Variants in MUCL3 observed in about 807,000 individuals in gnomAD.
The protein encoded by MUCL3 is mucin-like protein 3.
In MUCL3, 42 loss-of-function variants were observed where a neutral mutation model predicts 70.2. That is an observed-to-expected ratio of 0.60 (90% confidence interval 0.47 to 0.77). The LOEUF is 0.77. Ranked by LOEUF, MUCL3 falls within the 30% of genes least tolerant of loss-of-function variation. The probability of loss-of-function intolerance (pLI) is 0.00; values close to 1 mark genes in which losing one functional copy is unlikely to be tolerated. For missense variants in MUCL3, 1,429 were observed against 1,670.0 expected (o/e 0.86, Z 2.52); for synonymous variants, 522 against 647.0 (o/e 0.81, Z 2.93).
chr6:30,950,276 C>G lies in MUCL3; in HGVS notation c.1812C>G (p.His604Gln). The G allele has an allele frequency of 6.5e-7, 1 of 1,546,130 alleles. No homozygotes were observed. Among genetic ancestry groups the G allele is most frequent in the Non-Finnish European group, 8.7e-7 (1 of 1,145,852 alleles). ...CATCCTCAGCAGAGCCTACAGAACA[C>G]GAAGAAAGGACTCCACTGGCCAATG... is the stretch of plus-strand genomic sequence containing the variant. Reference protein sequence around the residue: ...TTSSSAEPTEHEERTPLANEN... With the variant: ...TTSSSAEPTEQEERTPLANEN... The change falls in exon 2 of 3, where the codon CAC becomes CAG. Residue 604 changes from histidine (H) to glutamine (Q), a missense_variant. Physicochemically the swap from His to Gln is conservative, Grantham distance 24. Transcript: ENST00000462446.
rs1220728062 is a variant in MUCL3 at position 30,941,044 on chromosome 6, G to T, written c.45G>T (p.Gln15His). The T allele has an allele frequency of 5.2e-6, 8 of 1,550,722 alleles. No homozygotes were observed. In the East Asian group the frequency reaches 7.3e-5, roughly 14 times the overall value. Residue 15 changes from glutamine (Q) to histidine (H), a missense_variant, in exon 1 of 3, where the codon CAG becomes CAT. Transcript: ENST00000462446. ...GCCTCTGCTCCGCCTTTGGCCTCCA[G>T]TGCTGCCTCCTCTTCCTTCTAGCTT... Reference protein sequence around the residue: ...VHSLCSAFGLQCCLLFLLASW... With the variant: ...VHSLCSAFGLHCCLLFLLASW...
rs1760709477 is a variant in MUCL3 at position 30,951,721 on chromosome 6, A to T, written c.3257A>T (p.His1086Leu). The T allele has an allele frequency of 6.4e-7, 1 of 1,552,046 alleles. No individual in the cohort carries two copies. Among genetic ancestry groups the T allele is most frequent in the African/African-American group, 1.4e-5 (1 of 72,944 alleles). Residue 1086 changes from histidine (H) to leucine (L), a missense_variant, in exon 2 of 3, where the codon CAT becomes CTT. By Grantham distance (99) the His-to-Leu change is moderately conservative. Transcript: ENST00000462446. ...ITLSPEGPTEHGAKTTSANEK... is the reference protein window; with the variant it reads ...ITLSPEGPTELGAKTTSANEK... ...CTATCCCCAGAAGGGCCTACAGAAC[A>T]TGGAGCAAAAACTACGTCGGCCAAT...
Position 30,953,254 on chromosome 6 carries a change from C to A in MUCL3, c.*137C>A. On this transcript the variant is annotated 3_prime_UTR_variant, in exon 3 of 3. Transcript: ENST00000462446. ...ACGGTTACCAGTATTAACCCTTCAT[C>A]TGTTCTTGAAACTGGTTGGGGAATG... 2 of 1,323,942 alleles carry A rather than the reference C, an allele frequency of 1.5e-6. No individual in the cohort carries two copies. The highest frequency in any genetic ancestry group is 2.0e-6 in the Non-Finnish European group (2 of 995,056). The allele number at this position is 1,323,942 out of a possible 1,614,324, so 82.0% of individuals were successfully genotyped here. A position where few individuals can be genotyped will look rare whatever the true frequency, so the allele number is the denominator to read the frequency against.
At position 30,948,654 on chromosome 6, in the gene MUCL3, G is replaced by C. The variant is rs1451697260; in HGVS notation, c.190G>C (p.Val64Leu). 1.1e-5 allele frequency: 17 copies of C among 1,551,510 alleles called. No homozygotes were observed. The highest frequency in any genetic ancestry group is 1.4e-5 in the Non-Finnish European group (16 of 1,146,996). ...LVYSIPFDHI[V>L]LHSGQRPPEL... Reference sequence around the variant, plus strand: ...TTATAGTATCCCTTTTGATCACATTGTTCTGCATTCAGGACAAAGACCTCC... The same window carrying C: ...TTATAGTATCCCTTTTGATCACATTCTTCTGCATTCAGGACAAAGACCTCC... The change falls in exon 2 of 3, where the codon GTT becomes CTT. Residue 64 changes from valine (V) to leucine (L), a missense_variant. Coordinates refer to ENST00000462446, the MANE Select transcript of MUCL3 (RefSeq NM_080870.4).
Position 30,953,541 on chromosome 6 carries a change from C to A in MUCL3, c.*424C>A. On this transcript the variant is annotated 3_prime_UTR_variant, in exon 3 of 3. Coordinates refer to ENST00000462446, the MANE Select transcript of MUCL3 (RefSeq NM_080870.4). ...GCAGAGTCTCTGGGTTTCAGGACAGCATTATGTTATTTCCATTCACTATTA... is the reference window on the plus strand; with the variant it reads ...GCAGAGTCTCTGGGTTTCAGGACAGAATTATGTTATTTCCATTCACTATTA... 1 of 179,952 alleles carries A rather than the reference C, an allele frequency of 5.6e-6. No individual in the cohort carries two copies. Among genetic ancestry groups the A allele is most frequent in the Non-Finnish European group, 1.2e-5 (1 of 85,876 alleles). 11.1% of individuals were successfully genotyped at this position (179,952 alleles called of 1,614,324 possible).
At position 30,948,887 on chromosome 6, in the gene MUCL3, T is replaced by A; in HGVS notation, c.423T>A (p.Asp141Glu). 6.4e-7 allele frequency: 1 copy of A among 1,551,090 alleles called. No individual in the cohort carries two copies. The highest frequency in any genetic ancestry group is 1.2e-5 in the South Asian group (1 of 83,940). The change falls in exon 2 of 3, where the codon GAT becomes GAA. Residue 141 changes from aspartate (D) to glutamate (E), a missense_variant. Physicochemically the swap from Asp to Glu is conservative, Grantham distance 45 (BLOSUM62 2). Transcript: ENST00000462446. ...TGATCCGGAACCAGCGCTCTGTTGATCCTGCTGACTCCACTACCACACATA... is the reference window on the plus strand; with the variant it reads ...TGATCCGGAACCAGCGCTCTGTTGAACCTGCTGACTCCACTACCACACATA... ...DPMIRNQRSVDPADSTTTHKE... is the reference protein window; with the variant it reads ...DPMIRNQRSVEPADSTTTHKE...
In MUCL3 at chr6:30,950,825, C is replaced by G; in HGVS notation, c.2361C>G (p.Thr787=). The part of the protein sequence containing the change: ...LAEPTENGKR[T]PFANEKTTSS... ...AGCCTACAGAAAATGGAAAAAGGAC[C>G]CCATTTGCCAATGAGAAGACCACAT... Residue 787 remains threonine, a synonymous_variant, in exon 2 of 3, where the codon ACC becomes ACG. Transcript: ENST00000462446. 1 of 1,545,352 alleles carries G rather than the reference C, an allele frequency of 6.5e-7. No homozygotes were observed. The highest frequency in any genetic ancestry group is 8.7e-7 in the Non-Finnish European group (1 of 1,145,868).
chr6:30,950,191 C>A lies in MUCL3; in HGVS notation c.1727C>A (p.Ser576Tyr), dbSNP rs186784201. ...TPLANEKTTP[S>Y]LAEPTENGQR... The stretch of plus-strand genomic sequence containing the variant: ...TTGGCCAATGAGAAGACCACGCCAT[C>A]TCTAGCAGAGCCTACAGAAAATGGA... The change falls in exon 2 of 3, where the codon TCT becomes TAT. Residue 576 changes from serine (S) to tyrosine (Y), a missense_variant. Transcript: ENST00000462446. The A allele has an allele frequency of 5.2e-4, 809 of 1,550,688 alleles. 6 individuals carry two copies. The African/African-American group carries it at 9.7e-3, about 19-fold the overall frequency.
Position 30,950,714 on chromosome 6 carries a change from G to T in MUCL3, c.2250G>T (p.Glu750Asp). The change falls in exon 2 of 3, where the codon GAG (glutamate) becomes GAT (aspartate). Residue 750 changes from glutamate (E) to aspartate (D), a missense_variant. Coordinates refer to ENST00000462446, the MANE Select transcript of MUCL3 (RefSeq NM_080870.4). ...AAAATAGAGAAAGGACAGCCAATGA[G>T]AACACCACACCATCCCCAGCACAGC... ...PTENRERTAN[E>D]NTTPSPAQPT... 1 of 1,549,150 alleles carries T rather than the reference G, an allele frequency of 6.5e-7. No homozygotes were observed. Among genetic ancestry groups the T allele is most frequent in the Non-Finnish European group, 8.7e-7 (1 of 1,146,724 alleles).
rs1044831894 is a variant in MUCL3, at chr6:30,948,676, C to T, written c.212C>T (p.Pro71Leu). Reference protein sequence around the residue: ...DHIVLHSGQRPPELPKSTEIH... With the variant: ...DHIVLHSGQRLPELPKSTEIH... ...ATTGTTCTGCATTCAGGACAAAGAC[C>T]TCCAGAGCTCCCTAAATCTACAGAA... is the stretch of plus-strand genomic sequence containing the variant. Residue 71 changes from proline to leucine, a missense_variant, in exon 2 of 3, where the codon CCT becomes CTT. Transcript: ENST00000462446. 7.1e-6 allele frequency: 11 copies of T among 1,551,550 alleles called. No homozygotes were observed. Among genetic ancestry groups the T allele is most frequent in the Admixed American group, 2.0e-5 (1 of 50,982 alleles).
At chr6:30,947,103 T>A (rs1456942664) in intron 1 of MUCL3, among the ~76,000 whole-genome samples, 1 of 152,100 alleles carries the variant, frequency 6.6e-6, no homozygotes, top group Non-Finnish European at 1.5e-5. Context: ...GGGAGATCAA[T>A]CACCATAGAA....
Position 30,950,208 on chromosome 6 carries a change from G to A in MUCL3, c.1744G>A (p.Glu582Lys), listed in dbSNP as rs537416667. The A allele has an allele frequency of 5.2e-6, 8 of 1,549,148 alleles. No individual in the cohort carries two copies. The South Asian group carries it at 8.3e-5, about 16-fold the overall frequency. Residue 582 changes from glutamate to lysine, a missense_variant, in exon 2 of 3, where the codon GAA becomes AAA. Glu to Lys is a moderately conservative substitution (Grantham distance 56). Transcript: ENST00000462446. ...CACGCCATCTCTAGCAGAGCCTACAGAAAATGGACAAAGGACCCCATTTGC... is the reference window on the plus strand; with the variant it reads ...CACGCCATCTCTAGCAGAGCCTACAAAAAATGGACAAAGGACCCCATTTGC... ...KTTPSLAEPTENGQRTPFANE... is the reference protein window; with the variant it reads ...KTTPSLAEPTKNGQRTPFANE...
Position 30,951,703 on chromosome 6 carries a change from C to G in MUCL3, c.3239C>G (p.Pro1080Arg). The part of the protein sequence containing the change: ...TLANEKITLS[P>R]EGPTEHGAKT... ...GCCAATGAGAAGATCACACTATCCCCAGAAGGGCCTACAGAACATGGAGCA... is the reference window on the plus strand; with the variant it reads ...GCCAATGAGAAGATCACACTATCCCGAGAAGGGCCTACAGAACATGGAGCA... The change falls in exon 2 of 3, where the codon CCA becomes CGA. Residue 1080 changes from proline (P) to arginine (R), a missense_variant. Coordinates refer to ENST00000462446, the MANE Select transcript of MUCL3 (RefSeq NM_080870.4). 6.4e-7 allele frequency: 1 copy of G among 1,552,208 alleles called. No individual in the cohort carries two copies.
intron 2 of MUCL3, 132 bp from the exon 3 acceptor site, chr6:30,952,839 T>A (rs1289140734): frequency 7.9e-7 from 1 of 1,262,324 alleles, no homozygotes; most frequent in Non-Finnish European, 1.1e-6. Flanking sequence ...GGACTCATTG[T>A]ATTGGACCTG....
Position 30,951,868 on chromosome 6 carries a change from C to A in MUCL3, c.3404C>A (p.Ala1135Asp). ...STEHRDRATSANVITPAPAEP... is the reference protein window; with the variant it reads ...STEHRDRATSDNVITPAPAEP... ...GAACATAGAGATAGGGCTACATCAG[C>A]CAATGTGATCACACCAGCCCCAGCA... is the stretch of plus-strand genomic sequence containing the variant. Residue 1135 changes from alanine to aspartate, a missense_variant, in exon 2 of 3, where the codon GCC becomes GAC. Transcript: ENST00000462446. The A allele has an allele frequency of 6.2e-7, 1 of 1,609,092 alleles. No homozygotes were observed. Among genetic ancestry groups the A allele is most frequent in the Non-Finnish European group, 8.5e-7 (1 of 1,177,954 alleles).
In MUCL3 at chr6:30,950,587, C is replaced by T; in HGVS notation, c.2123C>T (p.Pro708Leu). 1 of 1,548,496 alleles carries T rather than the reference C, an allele frequency of 6.5e-7. No individual in the cohort carries two copies. The highest frequency in any genetic ancestry group is 8.7e-7 in the Non-Finnish European group (1 of 1,146,416). The change falls in exon 2 of 3, where the codon CCA becomes CTA. Residue 708 changes from proline to leucine, a missense_variant. Pro to Leu is a moderately conservative substitution (Grantham distance 98, BLOSUM62 -3). Coordinates refer to ENST00000462446, the MANE Select transcript of MUCL3 (RefSeq NM_080870.4). ...AEPTEHGERT[P>L]LANENTTLSP... Reference sequence around the variant, plus strand: ...CCTACAGAACACGGAGAAAGGACCCCACTGGCCAATGAGAACACCACACTA... The same window carrying T: ...CCTACAGAACACGGAGAAAGGACCCTACTGGCCAATGAGAACACCACACTA...
rs1283207115 is a variant in MUCL3, at chr6:30,952,307, A to G, written c.3843A>G (p.Arg1281=). The G allele has an allele frequency of 1.6e-5, 26 of 1,614,110 alleles. No homozygotes were observed. Among genetic ancestry groups the G allele is most frequent in the Non-Finnish European group, 2.2e-5 (26 of 1,180,004 alleles). The change falls in exon 2 of 3, where the codon AGA becomes AGG. Residue 1281 remains arginine (R), a synonymous_variant. Transcript: ENST00000462446. ...PTGSFTLITS[R]TKLSSITSEA... ...GTTCTTTCACCCTCATTACATCTAG[A>G]ACGAAGCTGAGTTCTATCACATCAG...
In MUCL3 at chr6:30,953,046, C is replaced by T; in HGVS notation, c.4111C>T (p.Pro1371Ser). The change falls in exon 3 of 3, where the codon CCC (proline) becomes TCC (serine). Residue 1371 changes from proline (P) to serine (S), a missense_variant. Pro to Ser is a moderately conservative substitution (Grantham distance 74, BLOSUM62 -1). Coordinates refer to ENST00000462446, the MANE Select transcript of MUCL3 (RefSeq NM_080870.4). ...QYNDAEDEGG[P>S]NSYPVYLMEQ... ...CAATGATGCAGAGGATGAGGGTGGC[C>T]CCAATTCCTACCCGGTCTACCTGAT... 1 of 1,614,208 alleles carries T rather than the reference C, an allele frequency of 6.2e-7. No individual in the cohort carries two copies. Among genetic ancestry groups the T allele is most frequent in the Non-Finnish European group, 8.5e-7 (1 of 1,180,020 alleles).
chr6:30,951,710 G>C lies in MUCL3; in HGVS notation c.3246G>C (p.Gly1082=). 4 of 1,551,974 alleles carry C rather than the reference G, an allele frequency of 2.6e-6. No individual in the cohort carries two copies. Among genetic ancestry groups the C allele is most frequent in the Non-Finnish European group, 3.5e-6 (4 of 1,147,074 alleles). The part of the protein sequence containing the change: ...ANEKITLSPE[G]PTEHGAKTTS... ...AGAAGATCACACTATCCCCAGAAGG[G>C]CCTACAGAACATGGAGCAAAAACTA... The change falls in exon 2 of 3, where the codon GGG becomes GGC. Residue 1082 remains glycine, a synonymous_variant. Coordinates refer to ENST00000462446, the MANE Select transcript of MUCL3 (RefSeq NM_080870.4).
Sources: gnomAD v4.1 joint callset for allele counts (sites outside exome capture counted in the v4.1 genomes callset) on GRCh38, gnomAD v4.1.1 for gene constraint, MANE v1.5 for transcripts, NCBI Gene and HGNC (gene_info 2026-07-23, HGNC 2026-07-21) for gene names.